The following LRRTM3 variants were observed in gnomAD, a reference collection of about 807,000 sequenced individuals.
LRRTM3 encodes leucine-rich repeat transmembrane neuronal protein 3.
Under a neutral mutation model 44.7 loss-of-function variants are expected in LRRTM3, and 24 were observed. The ratio of observed to expected loss-of-function variants is 0.54; its 90% CI spans 0.39 to 0.76. LRRTM3 has a LOEUF of 0.76. LRRTM3 is among the 30% of genes least tolerant of loss of function. The pLI, the probability that LRRTM3 is intolerant of heterozygous loss-of-function variation, is 0.00. For synonymous variants in LRRTM3, 277 were observed against 278.7 expected (o/e 0.99, Z 0.06); for missense variants, 587 against 702.2 (o/e 0.84, Z 1.85).
intron 2 of LRRTM3, among the ~76,000 whole-genome samples, chr10:67,072,774 G>A (rs1856537730): frequency 6.6e-6 from 1 of 152,106 alleles, no homozygotes; most frequent in Admixed American, 6.5e-5. Context: ...TACAAAATTT[G>A]GTAAATATCT....
chr10:66,964,666 G>GACT (rs1849303263), intron 2 of LRRTM3, among the ~76,000 whole-genome samples: 2 of 152,066 alleles, frequency 1.3e-5, no homozygotes. Context: ...ACCATCACAG[G>GACT]ACTGAGTCAC....
intron 2 of LRRTM3, among the ~76,000 whole-genome samples, chr10:66,954,882 C>A (rs1848709313): frequency 6.6e-6 from 1 of 152,046 alleles, no homozygotes; most frequent in Non-Finnish European, 1.5e-5. Flanking sequence ...TGGATTCTGG[C>A]CTAAACACTG....
At chr10:66,986,787 C>G (rs1445057491) in intron 2 of LRRTM3, among the ~76,000 whole-genome samples, 1 of 152,064 alleles carries the variant, frequency 6.6e-6, no homozygotes, top group Non-Finnish European at 1.5e-5. Flanking sequence ...AGTTAAATAA[C>G]ACATATGATA....
intron 2 of LRRTM3, among the ~76,000 whole-genome samples, chr10:67,044,024 A>G (rs917102997): frequency 6.6e-6 from 1 of 151,762 alleles, no homozygotes; most frequent in Non-Finnish European, 1.5e-5. Flanking sequence ...AGGTTTGGGG[A>G]CACAAATGAT....
At chr10:67,001,324 AG>A (rs1453220466) in intron 2 of LRRTM3, among the ~76,000 whole-genome samples, 2 of 150,336 alleles carry the variant, frequency 1.3e-5, no homozygotes, top group South Asian at 4.2e-4. Flanking sequence ...AAAAAAAAAG[AG>A]AAAAAAATTA....
At chr10:67,037,902 A>G (rs936391281) in intron 2 of LRRTM3, among the ~76,000 whole-genome samples, 1 of 152,168 alleles carries the variant, frequency 6.6e-6, no homozygotes, top group Non-Finnish European at 1.5e-5. Context: ...ATTTAAAAGA[A>G]GGTCCAGGAC....
At chr10:67,024,352 CA>C (rs1853219613) in intron 2 of LRRTM3, among the ~76,000 whole-genome samples, 1 of 152,186 alleles carries the variant, frequency 6.6e-6, no homozygotes, top group Non-Finnish European at 1.5e-5. Context: ...CTCCCTCTTA[CA>C]AAGACCTTTG....
chr10:67,036,401 G>C (rs1854057349), intron 2 of LRRTM3, among the ~76,000 whole-genome samples: 1 of 151,854 alleles, frequency 6.6e-6, no homozygotes, highest in South Asian at 2.1e-4. Context: ...CCCAAGTAGC[G>C]ACACCTGTAA....
intron 2 of LRRTM3, among the ~76,000 whole-genome samples, chr10:67,035,281 T>C (rs1853976801): frequency 6.6e-6 from 1 of 152,200 alleles, no homozygotes; most frequent in Non-Finnish European, 1.5e-5. Flanking sequence ...TGCAAGTCAC[T>C]AGATTTCTTA....
chr10:66,958,390 G>T (rs1020952024), intron 2 of LRRTM3, among the ~76,000 whole-genome samples: 1 of 148,810 alleles, frequency 6.7e-6, no homozygotes, highest in Non-Finnish European at 1.5e-5. Flanking sequence ...ATAGAAAGCA[G>T]ATTTAAACTC....
At chr10:66,988,555 C>A (rs1284450034) in intron 2 of LRRTM3, among the ~76,000 whole-genome samples, 2 of 152,088 alleles carry the variant, frequency 1.3e-5, no homozygotes, top group Admixed American at 1.3e-4. Context: ...GAATTTAAAT[C>A]TATTTTTAGA....
intron 2 of LRRTM3, among the ~76,000 whole-genome samples, chr10:67,051,310 C>G (rs1024128664): frequency 3.9e-5 from 6 of 152,110 alleles, no homozygotes; most frequent in Non-Finnish European, 8.8e-5. Context: ...AATGTCTTCA[C>G]AATTGTACTC....
intron 2 of LRRTM3, among the ~76,000 whole-genome samples, chr10:66,983,641 C>A (rs1850570651): frequency 6.6e-6 from 1 of 152,074 alleles, no homozygotes; most frequent in South Asian, 2.1e-4. Flanking sequence ...GCCACTCAAC[C>A]CCTGGCCCAA....
rs75955877 is a variant in LRRTM3, at chr10:67,079,474, C to T, written c.1537-18113C>T. ...AGCCAATAAATTCGCAAATATCTCC[C>T]GAGGATCAGAGGAAACAATAGAAAA... On this transcript the variant is annotated intron_variant, in intron 2 of 2. Coordinates refer to ENST00000361320, the MANE Select transcript of LRRTM3 (RefSeq NM_178011.5). 9.2e-3 allele frequency among the ~76,000 whole-genome samples: 1,397 copies of T among 152,178 alleles called. 52 individuals carry two copies. In the East Asian group the frequency reaches 0.11, roughly 12 times the overall value.
At chr10:66,984,803 T>C (rs907057967) in intron 2 of LRRTM3, among the ~76,000 whole-genome samples, 2 of 152,200 alleles carry the variant, frequency 1.3e-5, no homozygotes, top group South Asian at 2.1e-4. Flanking sequence ...TCCTTTCACT[T>C]TCACAAAACT....
chr10:67,096,010 T>C (rs1857969021), intron 2 of LRRTM3, among the ~76,000 whole-genome samples: 1 of 151,838 alleles, frequency 6.6e-6, no homozygotes, highest in African/African-American at 2.4e-5. Context: ...TTAAAGTATG[T>C]GATATCTTTC....
chr10:67,006,029 A>C (rs182163037), intron 2 of LRRTM3, among the ~76,000 whole-genome samples: 1 of 151,888 alleles, frequency 6.6e-6, no homozygotes, highest in South Asian at 2.1e-4. Context: ...ATTATTCAGC[A>C]TCTTATCTCA....
intron 2 of LRRTM3, among the ~76,000 whole-genome samples, chr10:67,080,238 T>A (rs1319708745): frequency 6.6e-6 from 1 of 152,160 alleles, no homozygotes; most frequent in Non-Finnish European, 1.5e-5. Context: ...CTGGATTGGG[T>A]TTTGAAATGG....
chr10:67,044,099 T>C (rs1854577754), intron 2 of LRRTM3, among the ~76,000 whole-genome samples: 1 of 151,906 alleles, frequency 6.6e-6, no homozygotes, highest in Non-Finnish European at 1.5e-5. Flanking sequence ...CTCCTCCCTC[T>C]TTCCCCCCAA....
Sources: gnomAD v4.1 joint callset for allele counts (sites outside exome capture counted in the v4.1 genomes callset) on GRCh38, gnomAD v4.1.1 for gene constraint, MANE v1.5 for transcripts, NCBI Gene and HGNC (gene_info 2026-07-23, HGNC 2026-07-21) for gene names.